The following ALG13 variants were observed in gnomAD, a reference collection of about 807,000 sequenced individuals.
The protein encoded by ALG13 is UDP-N-acetylglucosamine transferase subunit ALG13.
ALG13 carries 11 observed loss-of-function variants against 87.8 expected under a neutral mutation model. The ratio of observed to expected loss-of-function variants is 0.13; its 90% CI spans 0.08 to 0.21. The LOEUF is 0.21. ALG13 is among the 10% of genes least tolerant of loss of function. The probability of loss-of-function intolerance (pLI) is 1.00; values close to 1 mark genes in which losing one functional copy is unlikely to be tolerated. For missense variants in ALG13, 756 were observed against 866.1 expected (o/e 0.87, Z 1.60); for synonymous variants, 320 against 306.3 (o/e 1.04, Z -0.47).
rs1945595856 is a variant in ALG13 at position 111,759,836 on chromosome X, C to A, written c.3251C>A (p.Ser1084Tyr). The change falls in exon 27 of 27, where the codon TCC (serine) becomes TAC (tyrosine). Residue 1084 changes from serine (S) to tyrosine (Y), a missense_variant. Ser to Tyr is a moderately radical substitution (Grantham distance 144). Around this residue, in one of 9 missense-constraint regions of ALG13, gnomAD observed 110 missense variants for 104.9 expected, o/e 1.05. Coordinates refer to ENST00000394780, the MANE Select transcript of ALG13 (RefSeq NM_001099922.3). ...CAGCCACCTTTGCCAGGTTTTGACTCCTGCCTTCCGGTTGTGCCAGATTAT... is the reference window on the plus strand; with the variant it reads ...CAGCCACCTTTGCCAGGTTTTGACTACTGCCTTCCGGTTGTGCCAGATTAT... The part of the protein sequence containing the change: ...YGQPPLPGFD[S>Y]CLPVVPDYSC... The A allele has an allele frequency of 1.7e-6, 2 of 1,211,071 alleles. No individual in the cohort carries two copies. The highest frequency in any genetic ancestry group is 2.2e-6 in the Non-Finnish European group (2 of 895,318).
At chrX:111,684,654 C>T (rs1046585845) in intron 2 of ALG13, among the ~76,000 whole-genome samples, 2 of 111,743 alleles carry the variant, frequency 1.8e-5, no homozygotes, top group African/African-American at 6.5e-5. Flanking sequence ...GGTTATACCC[C>T]GTCACAAGGC....
chrX:111,724,156 A>G (rs1387170669), intron 14 of ALG13, among the ~76,000 whole-genome samples: 1 of 112,488 alleles, frequency 8.9e-6, no homozygotes, highest in African/African-American at 3.2e-5. Context: ...GAATTCTGAT[A>G]CAAAACTGTT....
chrX:111,725,795 GA>G (rs1291295389), intron 15 of ALG13, among the ~76,000 whole-genome samples: 1 of 111,872 alleles, frequency 8.9e-6, no homozygotes, highest in East Asian at 2.8e-4. Flanking sequence ...ACCTGAGGGG[GA>G]AAAATATTTC....
At chrX:111,681,337 C>T in intron 1 of ALG13, 38 bp downstream of exon 1, 2 of 1,207,332 alleles carry the variant, frequency 1.7e-6, no homozygotes, top group South Asian at 3.5e-5. Flanking sequence ...GCTTGGCTCG[C>T]CACCCGCCAT....
intron 25 of ALG13, among the ~76,000 whole-genome samples, chrX:111,754,477 G>A (rs757301122): frequency 1.8e-5 from 2 of 111,916 alleles, no homozygotes; most frequent in Non-Finnish European, 3.8e-5. Context: ...AGGAAGACAG[G>A]AAGTCACTTT....
chrX:111,749,008 A>G (rs1944479872), intron 24 of ALG13, among the ~76,000 whole-genome samples: 1 of 110,663 alleles, frequency 9.0e-6, no homozygotes, highest in African/African-American at 3.3e-5. Flanking sequence ...ACTTGAACCC[A>G]GGAGGTGGAG....
chrX:111,760,379 C>T lies in ALG13; in HGVS notation c.*380C>T, dbSNP rs1287635033. 8.0e-6 allele frequency: 1 copy of T among 125,542 alleles called. No individual in the cohort carries two copies. The highest frequency in any genetic ancestry group is 1.6e-5 in the Non-Finnish European group (1 of 62,426). The allele number at this position is 125,542 out of a possible 1,213,427, so 10.3% of individuals were successfully genotyped here. ...CCATGCAGAATTGGAGTAACTTCCA[C>T]TTTTTTCTAGAAAGTAAAACCAAGA... is the stretch of plus-strand genomic sequence containing the variant. On this transcript the variant is annotated 3_prime_UTR_variant, in exon 27 of 27. Coordinates refer to ENST00000394780, the MANE Select transcript of ALG13 (RefSeq NM_001099922.3).
chrX:111,732,013 G>A (rs147439046), intron 21 of ALG13, among the ~76,000 whole-genome samples: 1,231 of 111,592 alleles, frequency 0.011, 10 homozygotes, highest in Admixed American at 0.036. Flanking sequence ...TTCACTGTTT[G>A]TCGTTGTTCA....
chrX:111,725,129 A>G, intron 15 of ALG13, 68 bp downstream of exon 15: 3 of 1,126,689 alleles, frequency 2.7e-6, no homozygotes, highest in South Asian at 2.1e-5. Context: ...CCTGCATTGT[A>G]CTATTTTTTA....
intron 12 of ALG13, 53 bp downstream of exon 12, chrX:111,721,764 AT>A: frequency 3.6e-6 from 3 of 825,298 alleles, no homozygotes; most frequent in Non-Finnish European, 5.3e-6. Context: ...CAGGAGTATA[AT>A]TTTGCAAATT....
intron 19 of ALG13, among the ~76,000 whole-genome samples, chrX:111,729,124 A>G (rs958871357): frequency 9.0e-6 from 1 of 111,528 alleles, no homozygotes; most frequent in Non-Finnish European, 1.9e-5. Context: ...GCCCTTGGCA[A>G]CCATCAGTCT....
At chrX:111,718,379 T>TGTGTACGTGTGAATATG in intron 10 of ALG13, 105 bp downstream of exon 10, 1 of 649,389 alleles carries the variant, frequency 1.5e-6, no homozygotes, top group Non-Finnish European at 2.3e-6. Context: ...AGGTTACATA[T>TGTGTACGTGTGAATATG]TCACACGTAC....
intron 18 of ALG13, among the ~76,000 whole-genome samples, 164 bp downstream of exon 18, chrX:111,727,934 A>G (rs1000505098): frequency 7.1e-5 from 8 of 112,528 alleles, no homozygotes; most frequent in African/African-American, 2.6e-4. Flanking sequence ...AGCTGTTCCT[A>G]GAGAAGGGAA....
At chrX:111,731,376 A>G (rs1420205106) in intron 21 of ALG13, among the ~76,000 whole-genome samples, 1 of 111,783 alleles carries the variant, frequency 8.9e-6, no homozygotes, top group East Asian at 2.8e-4. Context: ...TCATAAAGGG[A>G]GAAAAAAACA....
At chrX:111,726,465 C>G (rs767065203) in intron 15 of ALG13, among the ~76,000 whole-genome samples, 23 of 108,832 alleles carry the variant, frequency 2.1e-4, no homozygotes, top group African/African-American at 7.4e-4. Flanking sequence ...CTCCTGACCT[C>G]AAGTGATCCA....
At chrX:111,688,670 T>TA in intron 3 of ALG13, 1 of 752,373 alleles carries the variant, frequency 1.3e-6, no homozygotes. Flanking sequence ...CAATAGGACT[T>TA]ACTATTGTTT....
At chrX:111,712,367 G>A (rs982868392) in intron 6 of ALG13, 117 bp from the exon 7 acceptor site, 3 of 397,169 alleles carry the variant, frequency 7.6e-6, no homozygotes, top group African/African-American at 7.5e-5. Flanking sequence ...GTTATAGTGT[G>A]TTCTACAAAT....
intron 23 of ALG13, among the ~76,000 whole-genome samples, chrX:111,738,017 A>G (rs961370827): frequency 1.8e-5 from 2 of 112,809 alleles, no homozygotes; most frequent in Non-Finnish European, 3.7e-5. Context: ...CTTAAGGAAT[A>G]AAAAGCAGAA....
chrX:111,685,005 A>C lies in ALG13; in HGVS notation c.285A>C (p.Pro95=). 8.3e-7 allele frequency: 1 copy of C among 1,210,077 alleles called. No individual in the cohort carries two copies. Among genetic ancestry groups the C allele is most frequent in the Non-Finnish European group, 1.1e-6 (1 of 894,541 alleles). ...SCLETLEKGK[P]LVVVINEKLM... The stretch of plus-strand genomic sequence containing the variant: ...TGGAGACTCTGGAAAAAGGAAAGCC[A>C]CTCGTAGTGGTTATAAACGAAAAGT... The change falls in exon 3 of 27, where the codon CCA becomes CCC. Residue 95 remains proline, a synonymous_variant. Transcript: ENST00000394780.
Sources: allele counts gnomAD v4.1 joint callset (sites outside exome capture counted in the v4.1 genomes callset), GRCh38; gene constraint gnomAD v4.1.1; regional missense constraint gnomAD v4.1.1; transcripts MANE v1.5; gene names NCBI Gene and HGNC (gene_info 2026-07-23, HGNC 2026-07-21).